Variants in ATP8A2 observed in about 807,000 individuals in gnomAD.
The protein encoded by ATP8A2 is ATPase phospholipid transporting 8A2.
Under a neutral mutation model 165.6 loss-of-function variants are expected in ATP8A2, and 100 were observed. That is an observed-to-expected ratio of 0.60 (90% CI 0.51 to 0.71). ATP8A2 has a LOEUF of 0.71. ATP8A2 is among the 30% of genes least tolerant of loss of function. The pLI is 0.00. For synonymous variants in ATP8A2, 543 were observed against 548.8 expected, an observed-to-expected ratio of 0.99 and a Z score of 0.15; for missense variants, 1,227 against 1,479.5, an observed-to-expected ratio of 0.83 and a Z score of 2.80.
At chr13:25,650,109 G>A (rs773012029) in intron 24 of ATP8A2, among the ~76,000 whole-genome samples, 10 of 152,156 alleles carry the variant, frequency 6.6e-5, no homozygotes, top group Non-Finnish European at 1.2e-4. Context: ...GGGAAATCCC[G>A]TCTGTGAGGC....
chr13:25,613,145 G>A (rs1252505992), intron 24 of ATP8A2, among the ~76,000 whole-genome samples: 1 of 152,114 alleles, frequency 6.6e-6, no homozygotes, highest in Non-Finnish European at 1.5e-5. Flanking sequence ...GAGATGTAAG[G>A]TACTATTCTA....
At chr13:25,951,006 G>A (rs1955340471) in intron 33 of ATP8A2, among the ~76,000 whole-genome samples, 1 of 152,164 alleles carries the variant, frequency 6.6e-6, no homozygotes, top group African/African-American at 2.4e-5. Flanking sequence ...CTGAGGATGT[G>A]GAGCAACCGG....
At chr13:25,700,375 C>G (rs2042925737) in intron 25 of ATP8A2, among the ~76,000 whole-genome samples, 1 of 152,156 alleles carries the variant, frequency 6.6e-6, no homozygotes. Context: ...AGAATATTTT[C>G]ATCACCCCGT....
chr13:25,536,055 C>T (rs576369235), intron 6 of ATP8A2, among the ~76,000 whole-genome samples: 1 of 152,072 alleles, frequency 6.6e-6, no homozygotes, highest in Non-Finnish European at 1.5e-5. Flanking sequence ...TTTTTCTTTA[C>T]TAATTACTTC....
chr13:25,531,111 C>T (rs1392102109), intron 4 of ATP8A2, among the ~76,000 whole-genome samples: 1 of 145,338 alleles, frequency 6.9e-6, no homozygotes, highest in East Asian at 1.9e-4. Flanking sequence ...CTTGCTCTGT[C>T]TCCCCCTATA....
intron 35 of ATP8A2, among the ~76,000 whole-genome samples, chr13:25,978,825 A>G (rs961982755): frequency 2.6e-5 from 4 of 152,132 alleles, no homozygotes; most frequent in Non-Finnish European, 5.9e-5. Flanking sequence ...CTGTAGTCCC[A>G]GCTACTTGAG....
chr13:25,643,719 C>T (rs1017770051), intron 24 of ATP8A2, among the ~76,000 whole-genome samples: 4 of 150,098 alleles, frequency 2.7e-5, no homozygotes, highest in African/African-American at 4.9e-5. Context: ...TCTTTTTCTT[C>T]GTGATTGCTT....
At chr13:25,729,744 C>T (rs2043576219) in intron 25 of ATP8A2, among the ~76,000 whole-genome samples, 1 of 151,926 alleles carries the variant, frequency 6.6e-6, no homozygotes, top group Non-Finnish European at 1.5e-5. Context: ...AAATGTTGAT[C>T]AGGTAGCAGA....
At chr13:25,381,621 A>C (rs1018338096) in intron 1 of ATP8A2, among the ~76,000 whole-genome samples, 1 of 152,198 alleles carries the variant, frequency 6.6e-6, no homozygotes, top group Non-Finnish European at 1.5e-5. Context: ...ATACTATGTG[A>C]TGATTAGTTG....
intron 1 of ATP8A2, among the ~76,000 whole-genome samples, chr13:25,435,676 G>A (rs781590351): frequency 3.3e-5 from 5 of 150,806 alleles, no homozygotes; most frequent in Non-Finnish European, 1.5e-5. Flanking sequence ...TGCCTTATTT[G>A]CACAGTTAAT....
At chr13:25,992,129 T>C (rs1248746085) in intron 35 of ATP8A2, among the ~76,000 whole-genome samples, 1 of 152,102 alleles carries the variant, frequency 6.6e-6, no homozygotes, top group Non-Finnish European at 1.5e-5. Context: ...GCCAAGCTGT[T>C]TTTCAGAGTG....
At chr13:25,980,833 G>A (rs1177973347) in intron 35 of ATP8A2, among the ~76,000 whole-genome samples, 1 of 152,142 alleles carries the variant, frequency 6.6e-6, no homozygotes, top group Non-Finnish European at 1.5e-5. Flanking sequence ...ATTACAGCGT[G>A]TGAACAGACA....
Position 25,469,089 on chromosome 13 carries a change from G to A in ATP8A2, c.189G>A (p.Pro63=). 6.2e-7 allele frequency: 1 copy of A among 1,614,000 alleles called. No individual in the cohort carries two copies. The highest frequency in any genetic ancestry group is 8.5e-7 in the Non-Finnish European group (1 of 1,179,886). Residue 63 remains proline, a synonymous_variant, in exon 2 of 37, where the codon CCG becomes CCA. Transcript: ENST00000381655. ...APARTIYLNQ[P]HLNKFRDNQI... is the part of the protein sequence containing the mutation. ...CCCGCACCATTTACCTCAACCAACC[G>A]CATCTCAACAAATTCCGCGACAACC... is the stretch of plus-strand genomic sequence containing the variant.
At chr13:25,658,384 T>A (rs963395165) in intron 24 of ATP8A2, among the ~76,000 whole-genome samples, 2 of 152,088 alleles carry the variant, frequency 1.3e-5, no homozygotes, top group Non-Finnish European at 2.9e-5. Context: ...ACACCGGTAA[T>A]CCCAGCACTT....
At chr13:25,751,854 C>T (rs975183551) in intron 25 of ATP8A2, among the ~76,000 whole-genome samples, 1 of 150,974 alleles carries the variant, frequency 6.6e-6, no homozygotes, top group African/African-American at 2.4e-5. Context: ...CAGAGATAAC[C>T]ACTTTCTAAA....
intron 19 of ATP8A2, among the ~76,000 whole-genome samples, chr13:25,575,624 T>C (rs2138204940): frequency 6.6e-6 from 1 of 152,344 alleles, no homozygotes; most frequent in Admixed American, 6.5e-5. Flanking sequence ...AGGATTAGTT[T>C]TTTATCTTTG....
intron 25 of ATP8A2, among the ~76,000 whole-genome samples, chr13:25,748,589 C>T (rs1403968403): frequency 6.6e-6 from 1 of 152,178 alleles, no homozygotes; most frequent in South Asian, 2.1e-4. Flanking sequence ...GTGCAGAACG[C>T]GGTTTGATCT....
chr13:25,914,283 TG>T, intron 33 of ATP8A2, among the ~76,000 whole-genome samples: 1 of 152,312 alleles, frequency 6.6e-6, no homozygotes, highest in South Asian at 2.1e-4. Flanking sequence ...AATGTGTATG[TG>T]TGTATTAAAT....
intron 1 of ATP8A2, among the ~76,000 whole-genome samples, chr13:25,436,029 G>A (rs1416921252): frequency 2.0e-5 from 3 of 150,732 alleles, no homozygotes; most frequent in African/African-American, 4.9e-5. Flanking sequence ...TTAAGCCACC[G>A]GCAATCTTTT....
Sources: allele counts gnomAD v4.1 joint callset (sites outside exome capture counted in the v4.1 genomes callset), GRCh38; gene constraint gnomAD v4.1.1; transcripts MANE v1.5; gene names NCBI Gene and HGNC (gene_info 2026-07-23, HGNC 2026-07-21).